The following AEBP2 variants were observed in gnomAD, a reference collection of about 807,000 sequenced individuals.
AEBP2 encodes the protein zinc finger protein AEBP2.
Under a neutral mutation model 50.8 loss-of-function variants are expected in AEBP2, and 10 were observed. The observed-to-expected ratio is 0.20, with a 90% confidence interval of 0.12 to 0.33. The LOEUF (loss-of-function observed/expected upper bound fraction) is 0.33, where lower values mean the gene tolerates loss of function less well. Among genes scored for constraint, AEBP2 ranks in the 10% least tolerant of loss-of-function variants. AEBP2 has a pLI of 1.00. For missense variants in AEBP2, 570 were observed against 688.0 expected, an observed-to-expected ratio of 0.83 and a Z score of 1.92; for synonymous variants, 296 against 261.3, an observed-to-expected ratio of 1.13 and a Z score of -1.28.
intron 1 of AEBP2, among the ~76,000 whole-genome samples, chr12:19,443,901 G>A (rs141915183): frequency 3.3e-4 from 50 of 152,140 alleles, no homozygotes; most frequent in African/African-American, 1.1e-3. Context: ...ACCAGTGTAA[G>A]TTTATAGCGT....
chr12:19,412,520 T>C (rs1277395368), intron 1 of AEBP2, among the ~76,000 whole-genome samples: 4 of 152,104 alleles, frequency 2.6e-5, no homozygotes, highest in Admixed American at 2.6e-4. Context: ...CCTCTTGATC[T>C]GCCCACCTTG....
intron 3 of AEBP2, among the ~76,000 whole-genome samples, chr12:19,476,129 T>G (rs1011287293): frequency 1.3e-5 from 2 of 152,230 alleles, no homozygotes; most frequent in Non-Finnish European, 2.9e-5. Flanking sequence ...GGTCATAAAC[T>G]CTTTGCCTAA....
intron 3 of AEBP2, 136 bp downstream of exon 3, chr12:19,473,491 C>T (rs1948602243): frequency 3.9e-6 from 1 of 258,138 alleles, no homozygotes. Flanking sequence ...CTGCAGCCTC[C>T]ACCTGCTGTG....
chr12:19,480,907 T>C (rs1948718887), intron 3 of AEBP2, among the ~76,000 whole-genome samples: 1 of 152,146 alleles, frequency 6.6e-6, no homozygotes. Context: ...ATTTCTCTTC[T>C]TTCTCAGAAA....
intron 2 of AEBP2, among the ~76,000 whole-genome samples, chr12:19,463,155 A>C (rs1201402398): frequency 6.6e-6 from 1 of 152,206 alleles, no homozygotes; most frequent in East Asian, 1.9e-4. Flanking sequence ...TAACAACCTG[A>C]ACTCATTATT....
intron 1 of AEBP2, chr12:19,457,738 T>C (rs1324339879): frequency 1.3e-6 from 1 of 747,226 alleles, no homozygotes; most frequent in Non-Finnish European, 1.9e-6. Flanking sequence ...AGAGATCTTT[T>C]CGGTTCCTAC....
intron 1 of AEBP2, among the ~76,000 whole-genome samples, chr12:19,444,388 C>T (rs1458793753): frequency 1.3e-5 from 2 of 152,062 alleles, no homozygotes; most frequent in Non-Finnish European, 2.9e-5. Context: ...ATTTAAAATG[C>T]CCGTGGAGTT....
intron 4 of AEBP2, among the ~76,000 whole-genome samples, chr12:19,494,668 C>T (rs1406760055): frequency 1.3e-5 from 2 of 151,920 alleles, no homozygotes. Context: ...GTGTGAGCCA[C>T]CACACCCAGC....
At chr12:19,512,266 C>T (rs1042790507) in intron 5 of AEBP2, 132 bp from the exon 6 acceptor site, 5 of 521,436 alleles carry the variant, frequency 9.6e-6, no homozygotes, top group Admixed American at 3.7e-5. Flanking sequence ...ATGATCCACC[C>T]GCCTTGGCCT....
At chr12:19,466,231 A>AG (rs1426441140) in intron 2 of AEBP2, among the ~76,000 whole-genome samples, 1 of 152,140 alleles carries the variant, frequency 6.6e-6, no homozygotes, top group African/African-American at 2.4e-5. Context: ...TGGAAAGCTG[A>AG]GGTTGGTAGA....
chr12:19,443,285 C>A (rs771933638), intron 1 of AEBP2, among the ~76,000 whole-genome samples: 4 of 151,484 alleles, frequency 2.6e-5, no homozygotes, highest in Non-Finnish European at 4.4e-5. Flanking sequence ...AGTAGAGATG[C>A]GATTTCACCA....
chr12:19,470,859 T>C lies in AEBP2; in HGVS notation c.880-2389T>C, dbSNP rs141428366. 2.6e-3 allele frequency among the ~76,000 whole-genome samples: 402 copies of C among 152,344 alleles called. 1 individual carries two copies. The highest frequency in any genetic ancestry group is 9.4e-3 in the African/African-American group (390 of 41,586). The stretch of plus-strand genomic sequence containing the variant: ...GGGTCACTTAAGAATCCTTTTAACA[T>C]TAAGGAGAATCCTTCTGTCAAAAAA... On this transcript the variant is annotated intron_variant, in intron 2 of 7. Coordinates refer to ENST00000266508, the MANE Select transcript of AEBP2 (RefSeq NM_153207.5).
chr12:19,501,288 A>G (rs113888400), intron 5 of AEBP2, among the ~76,000 whole-genome samples: 4,373 of 149,004 alleles, frequency 0.029, 65 homozygotes, highest in East Asian at 0.043. Context: ...CCGAGATCGC[A>G]CCACTGCACT....
chr12:19,441,064 C>T (rs893637034), intron 1 of AEBP2, among the ~76,000 whole-genome samples: 1 of 152,030 alleles, frequency 6.6e-6, no homozygotes, highest in Non-Finnish European at 1.5e-5. Flanking sequence ...GATAACTTTG[C>T]GGAATCAGAG....
At chr12:19,478,565 T>C (rs906543735) in intron 3 of AEBP2, among the ~76,000 whole-genome samples, 1 of 152,190 alleles carries the variant, frequency 6.6e-6, no homozygotes, top group Non-Finnish European at 1.5e-5. Flanking sequence ...GCTGGAATTA[T>C]AGACGTCAAC....
chr12:19,438,221 T>G (rs189156896), upstream of AEBP2, among the ~76,000 whole-genome samples: 82 of 152,326 alleles, frequency 5.4e-4, no homozygotes, highest in African/African-American at 1.9e-3. Flanking sequence ...GTTGCTTGCT[T>G]TCAACAAGTT....
chr12:19,466,347 T>C (rs978870839), intron 2 of AEBP2, among the ~76,000 whole-genome samples: 7 of 152,144 alleles, frequency 4.6e-5, no homozygotes, highest in African/African-American at 1.7e-4. Context: ...TCTTAGCCAC[T>C]CCGGGGGATG....
At position 19,462,652 on chromosome 12, in the gene AEBP2, T is replaced by C; in HGVS notation, c.814T>C (p.Phe272Leu). 6.2e-7 allele frequency: 1 copy of C among 1,614,026 alleles called. No homozygotes were observed. The highest frequency in any genetic ancestry group is 2.2e-5 in the East Asian group (1 of 44,882). The change falls in exon 2 of 8, where the codon TTC becomes CTC. Residue 272 changes from phenylalanine to leucine, a missense_variant. Around this residue, in one of 2 missense-constraint regions of AEBP2, gnomAD observed 184 missense variants for 351.2 expected, o/e 0.52. Transcript: ENST00000266508. ...TTGTTGGGACCAGTGCCAGGCTTGC[T>C]TCAACTCTAGCCCAGATCTGGCAGA... ...NCCWDQCQAC[F>L]NSSPDLADHI...
chr12:19,521,284 T>C lies in AEBP2; in HGVS notation c.*3167T>C, dbSNP rs148604267. ...TACATTAAATTTTAGTGAAAGCTGTTTCATGTATTTTACAGTAAATACTGC... is the reference window on the plus strand; with the variant it reads ...TACATTAAATTTTAGTGAAAGCTGTCTCATGTATTTTACAGTAAATACTGC... On this transcript the variant is annotated 3_prime_UTR_variant, in exon 8 of 8. Transcript: ENST00000266508. 7.9e-5 allele frequency: 12 copies of C among 152,312 alleles called. No individual in the cohort carries two copies. In the East Asian group the frequency reaches 2.3e-3, roughly 29 times the overall value. 9.4% of individuals were successfully genotyped at this position (152,312 alleles called of 1,614,324 possible).
Sources: allele counts gnomAD v4.1 joint callset (sites outside exome capture counted in the v4.1 genomes callset), GRCh38; gene constraint gnomAD v4.1.1; regional missense constraint gnomAD v4.1.1; transcripts MANE v1.5; gene names NCBI Gene and HGNC (gene_info 2026-07-23, HGNC 2026-07-21).